PXYLP1: variants seen among roughly 807,000 people sequenced by gnomAD.
PXYLP1 encodes the protein 2-phosphoxylose phosphatase 1, also known as acid phosphatase-like 2.
A neutral mutation model predicts 37.9 loss-of-function variants in PXYLP1; 17 were observed. The observed-to-expected ratio is 0.45, with a 90% CI of 0.31 to 0.67. PXYLP1 has a LOEUF of 0.67. Ranked by LOEUF, PXYLP1 falls within the 30% of genes least tolerant of loss-of-function variation. The probability of loss-of-function intolerance (pLI) is 0.07; values close to 1 mark genes in which losing one functional copy is unlikely to be tolerated. For synonymous variants in PXYLP1, 221 were observed against 232.2 expected (o/e 0.95, Z 0.44); for missense variants, 511 against 612.0 (o/e 0.84, Z 1.74).
At position 141,285,814 on chromosome 3, in the gene PXYLP1, T is replaced by C. The variant is rs367648367; in HGVS notation, c.366-1500T>C. Among the ~76,000 whole-genome samples the C allele has an allele frequency of 3.8e-4, 58 of 152,358 alleles. 3 individuals carry two copies. The highest frequency in any genetic ancestry group is 1.3e-3 in the African/African-American group (55 of 41,596). The stretch of plus-strand genomic sequence containing the variant: ...TTATTTCCCAGTTTGCAAACATTTA[T>C]GTGCTTTAGCCTCAGGCAAAATAAC... On this transcript the variant is annotated intron_variant, in intron 4 of 5. Coordinates refer to ENST00000286353, the MANE Select transcript of PXYLP1 (RefSeq NM_001037172.3).
intron 3 of PXYLP1, 30 bp from the exon 4 acceptor site, chr3:141,279,348 A>G: frequency 1.2e-6 from 2 of 1,613,676 alleles, no homozygotes; most frequent in Middle Eastern, 1.7e-4. Flanking sequence ...CTATTGAGTG[A>G]TAACCAGACA....
At chr3:141,279,764 A>G (rs1041936909) in intron 4 of PXYLP1, among the ~76,000 whole-genome samples, 3 of 152,310 alleles carry the variant, frequency 2.0e-5, no homozygotes, top group Non-Finnish European at 4.4e-5. Flanking sequence ...TTTCACTTTA[A>G]TAAACAGTTG....
At chr3:141,285,510 CACA>C (rs771798897) in intron 4 of PXYLP1, among the ~76,000 whole-genome samples, 13 of 151,308 alleles carry the variant, frequency 8.6e-5, no homozygotes, top group South Asian at 2.1e-4. Context: ...AAACAAACAA[CACA>C]ACAACAACAA....
In PXYLP1 at chr3:141,292,159, C is replaced by G. The variant is rs1283165099; in HGVS notation, c.506-109C>G. 4.8e-6 allele frequency: 5 copies of G among 1,036,384 alleles called. No individual in the cohort carries two copies. The highest frequency in any genetic ancestry group is 2.4e-5 in the Admixed American group (1 of 41,722). The allele number at this position is 1,036,384 out of a possible 1,614,324, so 64.2% of individuals were successfully genotyped here. A position where few individuals can be genotyped will look rare whatever the true frequency, so the allele number is the denominator to read the frequency against. Reference sequence around the variant, plus strand: ...ACACCATGGGGAAACAGGCTGGATGCCATTCTCTTGCCCTAAAACACTCCA... The same window carrying G: ...ACACCATGGGGAAACAGGCTGGATGGCATTCTCTTGCCCTAAAACACTCCA... On this transcript the variant is annotated intron_variant, in intron 5 of 5. Coordinates refer to ENST00000286353, the MANE Select transcript of PXYLP1 (RefSeq NM_001037172.3). This position sits in a 1 kb window ranked among gnomAD's most constrained non-coding sequence, Gnocchi z 4.3.
At chr3:141,276,933 T>C (rs1255091845) in intron 2 of PXYLP1, among the ~76,000 whole-genome samples, 5 of 152,238 alleles carry the variant, frequency 3.3e-5, no homozygotes, top group Non-Finnish European at 7.3e-5. Context: ...TATCACACTG[T>C]TGTTTTATCT....
chr3:141,239,469 C>G (rs1261356399), intron 1 of PXYLP1, among the ~76,000 whole-genome samples: 1 of 152,192 alleles, frequency 6.6e-6, no homozygotes, highest in Non-Finnish European at 1.5e-5. Flanking sequence ...GCAAGCCTGT[C>G]TCATCCTCGG....
chr3:141,285,243 C>T (rs112519729), intron 4 of PXYLP1, among the ~76,000 whole-genome samples: 7,410 of 143,800 alleles, frequency 0.052, 253 homozygotes, highest in East Asian at 0.13. Flanking sequence ...ACCTCCTGGA[C>T]TCATGTGATC....
At chr3:141,282,479 G>GATAA (rs1336171855) in intron 4 of PXYLP1, among the ~76,000 whole-genome samples, 28 of 80,100 alleles carry the variant, frequency 3.5e-4, no homozygotes, top group African/African-American at 1.6e-3. Context: ...TTCTAACCCA[G>GATAA]ACAAACACAC....
chr3:141,241,728 G>A (rs1940805892), intron 1 of PXYLP1, among the ~76,000 whole-genome samples: 1 of 152,218 alleles, frequency 6.6e-6, no homozygotes, highest in Non-Finnish European at 1.5e-5. Flanking sequence ...AGGGTTTGCA[G>A]AAAAGGACCA....
At chr3:141,256,665 A>T (rs908371697) in intron 1 of PXYLP1, among the ~76,000 whole-genome samples, 1 of 152,188 alleles carries the variant, frequency 6.6e-6, no homozygotes, top group Non-Finnish European at 1.5e-5. Context: ...ACCAAGACTA[A>T]AGTATGATCA....
intron 1 of PXYLP1, among the ~76,000 whole-genome samples, chr3:141,236,061 G>A (rs1452189941): frequency 5.3e-5 from 8 of 152,228 alleles, no homozygotes. Context: ...CTGCAGTCAG[G>A]AGGCACCCTT....
chr3:141,274,716 G>A, intron 2 of PXYLP1: 2 of 701,580 alleles, frequency 2.9e-6, no homozygotes, highest in Middle Eastern at 2.3e-4. Context: ...GGGATGGCAG[G>A]GTGACAAACT....
intron 1 of PXYLP1, chr3:141,235,330 T>C (rs1462934575): frequency 6.6e-6 from 1 of 152,302 alleles, no homozygotes; most frequent in Non-Finnish European, 1.5e-5. Flanking sequence ...CTTTTGGAAA[T>C]AATGGCTTGA....
rs1169405307 is a variant in PXYLP1, at chr3:141,241,507, G to T, written c.-54+9596G>T. Among the ~76,000 whole-genome samples the T allele has an allele frequency of 2.0e-5, 3 of 152,216 alleles. No homozygotes were observed. In the East Asian group the frequency reaches 5.8e-4, roughly 29 times the overall value. On this transcript the variant is annotated intron_variant, in intron 1 of 5. Coordinates refer to ENST00000286353, the MANE Select transcript of PXYLP1 (RefSeq NM_001037172.3). ...GATGTCACCCAGCCTTGGGGTCAGG[G>T]AAGGCTTCCAGGGGAAGGTGGTGCT...
At chr3:141,278,783 G>T (rs1877223) in intron 3 of PXYLP1, among the ~76,000 whole-genome samples, 77,651 of 152,088 alleles carry the variant, frequency 0.51, 21,067 homozygotes, top group South Asian at 0.61. Flanking sequence ...ATGATCTTTA[G>T]TGAGACAGCA....
chr3:141,285,333 G>T (rs1468244870), intron 4 of PXYLP1, among the ~76,000 whole-genome samples: 3 of 151,266 alleles, frequency 2.0e-5, no homozygotes, highest in African/African-American at 7.3e-5. Context: ...TTTTTGTAGA[G>T]ACATGGTCTC....
chr3:141,274,171 G>C, intron 2 of PXYLP1: 2 of 1,029,674 alleles, frequency 1.9e-6, no homozygotes, highest in Non-Finnish European at 2.3e-6. Context: ...CCCTGGGTCT[G>C]TCCCTCAGCT....
At chr3:141,232,678 C>CAGAGAGAG (rs748328605) in intron 1 of PXYLP1, among the ~76,000 whole-genome samples, 1 of 151,696 alleles carries the variant, frequency 6.6e-6, no homozygotes, top group Non-Finnish European at 1.5e-5. Flanking sequence ...CACACACACA[C>CAGAGAGAG]ACAGAGAGAG....
chr3:141,280,646 G>A (rs1941930078), intron 4 of PXYLP1, among the ~76,000 whole-genome samples: 1 of 152,206 alleles, frequency 6.6e-6, no homozygotes, highest in Non-Finnish European at 1.5e-5. Context: ...GAGTAAGAGT[G>A]AGCAGGAACC....
Sources: gnomAD v4.1 joint callset for allele counts (sites outside exome capture counted in the v4.1 genomes callset) on GRCh38, gnomAD v4.1.1 for gene constraint, Gnocchi (gnomAD v3.1) non-coding constraint, MANE v1.5 for transcripts, NCBI Gene and HGNC (gene_info 2026-07-23, HGNC 2026-07-21) for gene names.